The following IGF1R variants were observed in gnomAD, a reference collection of about 807,000 sequenced individuals.
IGF1R encodes insulin-like growth factor 1 receptor.
IGF1R carries 44 observed loss-of-function variants against 144.6 expected under a neutral mutation model. That is an observed-to-expected ratio of 0.30 (90% CI 0.24 to 0.39). The LOEUF (loss-of-function observed/expected upper bound fraction) is 0.39. IGF1R is among the 10% of genes least tolerant of loss of function. The probability of loss-of-function intolerance (pLI) is 1.00; values close to 1 mark genes in which losing one functional copy is unlikely to be tolerated. For synonymous variants in IGF1R, 795 were observed against 722.8 expected, an observed-to-expected ratio of 1.10 and a Z score of -1.60; for missense variants, 1,355 against 1,833.7, an observed-to-expected ratio of 0.74 and a Z score of 4.77.
At chr15:98,685,313 A>C (rs1478348720) in intron 1 of IGF1R, among the ~76,000 whole-genome samples, 1 of 152,132 alleles carries the variant, frequency 6.6e-6, no homozygotes, top group Admixed American at 6.5e-5. Flanking sequence ...TACTTCCTGG[A>C]AAGTGGGTGG....
chr15:98,852,416 G>A (rs1353793549), intron 2 of IGF1R, among the ~76,000 whole-genome samples: 3 of 152,216 alleles, frequency 2.0e-5, no homozygotes, highest in Non-Finnish European at 4.4e-5. Context: ...CCAATCACCA[G>A]GGCCCACCCT....
intron 5 of IGF1R, among the ~76,000 whole-genome samples, chr15:98,899,825 G>A (rs1478156035): frequency 6.6e-6 from 1 of 152,200 alleles, no homozygotes; most frequent in Non-Finnish European, 1.5e-5. Flanking sequence ...GGAAAACAGA[G>A]ATGTTATCAC....
At chr15:98,662,167 G>A (rs1439692268) in intron 1 of IGF1R, among the ~76,000 whole-genome samples, 2 of 151,310 alleles carry the variant, frequency 1.3e-5, no homozygotes, top group African/African-American at 2.4e-5. Flanking sequence ...TTCTAGTAGA[G>A]ACGGGGTTTA....
At chr15:98,848,317 A>G (rs2011413577) in intron 2 of IGF1R, among the ~76,000 whole-genome samples, 1 of 152,244 alleles carries the variant, frequency 6.6e-6, no homozygotes, top group South Asian at 2.1e-4. Context: ...ATCACAACTT[A>G]TGTGAAATAC....
intron 2 of IGF1R, among the ~76,000 whole-genome samples, chr15:98,814,153 C>G (rs2056647635): frequency 6.6e-6 from 1 of 152,146 alleles, no homozygotes; most frequent in Admixed American, 6.6e-5. Flanking sequence ...GCAAATGGAG[C>G]ACATCATCGT....
intron 1 of IGF1R, among the ~76,000 whole-genome samples, chr15:98,658,233 T>C (rs2052529043): frequency 6.6e-6 from 1 of 152,200 alleles, no homozygotes; most frequent in South Asian, 2.1e-4. Context: ...AGAATGTTTT[T>C]CCTCTTCACT....
chr15:98,931,729 T>C (rs1449399165), intron 15 of IGF1R, among the ~76,000 whole-genome samples: 2 of 145,968 alleles, frequency 1.4e-5, no homozygotes, highest in African/African-American at 5.0e-5. Flanking sequence ...CCAGATGTGG[T>C]CGAAGGCACC....
At chr15:98,839,413 C>T (rs2011138325) in intron 2 of IGF1R, among the ~76,000 whole-genome samples, 1 of 152,186 alleles carries the variant, frequency 6.6e-6, no homozygotes, top group Non-Finnish European at 1.5e-5. Context: ...CACCCACCCT[C>T]CCAGCCACAT....
At chr15:98,910,633 A>G (rs184191247) in intron 6 of IGF1R, among the ~76,000 whole-genome samples, 380 of 152,264 alleles carry the variant, frequency 2.5e-3, no homozygotes, top group African/African-American at 8.0e-3. Context: ...AATAAGAGAG[A>G]CACTTGGCAC....
chr15:98,709,740 C>T (rs2053948941), intron 2 of IGF1R, among the ~76,000 whole-genome samples: 1 of 152,154 alleles, frequency 6.6e-6, no homozygotes, highest in Non-Finnish European at 1.5e-5. Flanking sequence ...TAGGATATTT[C>T]TAGGGCAGTC....
At chr15:98,828,001 T>C (rs1265709132) in intron 2 of IGF1R, among the ~76,000 whole-genome samples, 1 of 152,302 alleles carries the variant, frequency 6.6e-6, no homozygotes, top group East Asian at 1.9e-4. Context: ...AGTGAGTTCC[T>C]ATTGGTAGTA....
At chr15:98,746,829 T>G (rs2054878730) in intron 2 of IGF1R, among the ~76,000 whole-genome samples, 1 of 152,158 alleles carries the variant, frequency 6.6e-6, no homozygotes, top group Non-Finnish European at 1.5e-5. Flanking sequence ...TAAATGGGTG[T>G]GTGTTGTTCG....
At chr15:98,778,128 A>AT (rs994016345) in intron 2 of IGF1R, among the ~76,000 whole-genome samples, 20 of 152,312 alleles carry the variant, frequency 1.3e-4, no homozygotes, top group African/African-American at 4.8e-4. Flanking sequence ...TCCTGAGAAC[A>AT]TGAGAGAGTG....
intron 2 of IGF1R, among the ~76,000 whole-genome samples, chr15:98,748,638 A>G (rs2054928763): frequency 6.6e-6 from 1 of 152,232 alleles, no homozygotes; most frequent in East Asian, 1.9e-4. Flanking sequence ...AGAAAACTGT[A>G]GGATCTAAAA....
chr15:98,869,220 A>G (rs988159730), intron 2 of IGF1R, among the ~76,000 whole-genome samples: 44 of 152,242 alleles, frequency 2.9e-4, no homozygotes, highest in African/African-American at 1.0e-3. Context: ...ACTCCCTTCT[A>G]TTATTGGACT....
chr15:98,929,704 T>A, intron 14 of IGF1R, 44 bp downstream of exon 14: 2 of 1,287,852 alleles, frequency 1.6e-6, no homozygotes, highest in Non-Finnish European at 2.3e-6. Flanking sequence ...GGCTGAGTGG[T>A]TTGATGATTT....
At chr15:98,766,989 A>G (rs2055452019) in intron 2 of IGF1R, among the ~76,000 whole-genome samples, 1 of 152,194 alleles carries the variant, frequency 6.6e-6, no homozygotes, top group African/African-American at 2.4e-5. Context: ...GGCTCGGTGT[A>G]GAGACCAAGG....
At chr15:98,840,575 A>T (rs890956837) in intron 2 of IGF1R, among the ~76,000 whole-genome samples, 1 of 152,134 alleles carries the variant, frequency 6.6e-6, no homozygotes, top group Non-Finnish European at 1.5e-5. Flanking sequence ...TCAGCCTCCC[A>T]AGTGGCTGGG....
intron 2 of IGF1R, among the ~76,000 whole-genome samples, chr15:98,751,785 A>G (rs2055018015): frequency 6.6e-6 from 1 of 152,182 alleles, no homozygotes; most frequent in African/African-American, 2.4e-5. Flanking sequence ...CTATGTGTGA[A>G]ATGTTCACAT....
Sources: allele counts gnomAD v4.1 joint callset (sites outside exome capture counted in the v4.1 genomes callset), GRCh38; gene constraint gnomAD v4.1.1; transcripts MANE v1.5; gene names NCBI Gene and HGNC (gene_info 2026-07-23, HGNC 2026-07-21).